SNTG1: variants seen among roughly 807,000 people sequenced by gnomAD.
The protein encoded by SNTG1 is syntrophin gamma 1.
In SNTG1, 39 loss-of-function variants were observed where a neutral mutation model predicts 74.7. The observed-to-expected ratio is 0.52, with a 90% CI of 0.40 to 0.68. SNTG1 has a LOEUF of 0.68. Ranked by LOEUF, SNTG1 falls within the 30% of genes least tolerant of loss-of-function variation. The probability of loss-of-function intolerance (pLI) is 0.00; values close to 1 mark genes in which losing one functional copy is unlikely to be tolerated. For missense variants in SNTG1, 685 were observed against 609.5 expected, an observed-to-expected ratio of 1.12 and a Z score of -1.30; for synonymous variants, 254 against 217.1, an observed-to-expected ratio of 1.17 and a Z score of -1.49.
chr8:49,961,763 A>C (rs979065463), intron 1 of SNTG1, among the ~76,000 whole-genome samples: 1 of 152,192 alleles, frequency 6.6e-6, no homozygotes, highest in African/African-American at 2.4e-5. Context: ...ATCAGATCAC[A>C]TGGCTCACAT....
chr8:50,217,945 C>T (rs2084874481), intron 2 of SNTG1, among the ~76,000 whole-genome samples: 2 of 152,094 alleles, frequency 1.3e-5, no homozygotes, highest in South Asian at 2.1e-4. Context: ...ACTTTCATTC[C>T]TGGTTCTTAA....
chr8:49,955,674 G>A (rs1030993451), intron 1 of SNTG1, among the ~76,000 whole-genome samples: 5 of 152,122 alleles, frequency 3.3e-5, no homozygotes, highest in African/African-American at 9.7e-5. Context: ...CCCAATATTC[G>A]CATTGGCAGT....
chr8:50,740,910 G>A (rs944812280), intron 17 of SNTG1, among the ~76,000 whole-genome samples: 1 of 152,014 alleles, frequency 6.6e-6, no homozygotes, highest in Non-Finnish European at 1.5e-5. Context: ...AACACCACAT[G>A]TTCTCACTTA....
chr8:49,992,531 T>C (rs368270415), intron 1 of SNTG1, among the ~76,000 whole-genome samples: 1 of 152,160 alleles, frequency 6.6e-6, no homozygotes, highest in South Asian at 2.1e-4. Context: ...TAAACCTTGG[T>C]GGGTATAAGC....
intron 15 of SNTG1, among the ~76,000 whole-genome samples, chr8:50,668,759 G>C (rs1489980318): frequency 2.0e-5 from 3 of 151,742 alleles, no homozygotes; most frequent in African/African-American, 7.3e-5. Flanking sequence ...GTGATAGTTT[G>C]CTGAGGATGA....
intron 8 of SNTG1, among the ~76,000 whole-genome samples, chr8:50,496,849 A>G (rs568974300): frequency 8.4e-4 from 128 of 152,182 alleles, no homozygotes; most frequent in African/African-American, 3.0e-3. Flanking sequence ...AAAAAGGACA[A>G]CTGGATTTAT....
At chr8:50,331,003 C>A (rs530513198) in intron 2 of SNTG1, among the ~76,000 whole-genome samples, 1 of 152,012 alleles carries the variant, frequency 6.6e-6, no homozygotes, top group African/African-American at 2.4e-5. Flanking sequence ...GGATATAATT[C>A]TTTTTTTTGC....
intron 18 of SNTG1, among the ~76,000 whole-genome samples, chr8:50,760,478 G>A (rs1040141554): frequency 2.0e-5 from 3 of 151,862 alleles, no homozygotes; most frequent in African/African-American, 7.3e-5. Context: ...TTGTGGGTTT[G>A]TCATAAATAG....
At chr8:50,369,328 G>A (rs1360436707) in intron 2 of SNTG1, among the ~76,000 whole-genome samples, 3 of 152,202 alleles carry the variant, frequency 2.0e-5, no homozygotes, top group Non-Finnish European at 4.4e-5. Context: ...TGGGCACGGT[G>A]GCTAACGCCT....
intron 1 of SNTG1, among the ~76,000 whole-genome samples, chr8:50,065,253 G>A (rs1181508221): frequency 6.6e-6 from 1 of 152,132 alleles, no homozygotes; most frequent in Non-Finnish European, 1.5e-5. Context: ...ACTGTAATTA[G>A]GAAATGTCTT....
chr8:50,782,176 A>G (rs529500121), intron 18 of SNTG1, among the ~76,000 whole-genome samples: 3 of 152,142 alleles, frequency 2.0e-5, no homozygotes, highest in South Asian at 2.1e-4. Flanking sequence ...TCTGACAATT[A>G]TGTGTCTTGG....
chr8:49,960,099 A>G (rs1810544059), intron 1 of SNTG1, among the ~76,000 whole-genome samples: 1 of 152,232 alleles, frequency 6.6e-6, no homozygotes, highest in Non-Finnish European at 1.5e-5. Context: ...AGCTGAGATC[A>G]TATGAGCTGA....
intron 1 of SNTG1, among the ~76,000 whole-genome samples, chr8:50,170,472 A>G (rs2082767029): frequency 1.3e-5 from 2 of 152,190 alleles, no homozygotes; most frequent in South Asian, 4.1e-4. Flanking sequence ...TATCATGTAA[A>G]TTAAAAAAAA....
intron 1 of SNTG1, among the ~76,000 whole-genome samples, chr8:49,939,679 A>G (rs964749645): frequency 1.3e-5 from 2 of 152,132 alleles, no homozygotes; most frequent in African/African-American, 2.4e-5. Flanking sequence ...GCATAAAATG[A>G]CCTTTTCAAA....
chr8:49,921,608 A>C (rs980259986), intron 1 of SNTG1, among the ~76,000 whole-genome samples: 6 of 152,122 alleles, frequency 3.9e-5, no homozygotes, highest in Non-Finnish European at 8.8e-5. Flanking sequence ...CTGCTTTAGA[A>C]TTAGGTGATG....
intron 18 of SNTG1, among the ~76,000 whole-genome samples, chr8:50,769,287 G>A (rs1005831238): frequency 5.9e-5 from 9 of 152,034 alleles, no homozygotes; most frequent in Middle Eastern, 3.4e-3. Flanking sequence ...ATAGTATGCA[G>A]CATTTTGTTT....
chr8:50,340,117 A>T (rs183069155), intron 2 of SNTG1, among the ~76,000 whole-genome samples: 12 of 152,138 alleles, frequency 7.9e-5, no homozygotes, highest in Admixed American at 6.5e-4. Flanking sequence ...ATGGGTGGGA[A>T]GAAATATTGT....
chr8:50,510,187 T>C (rs1392440418), intron 9 of SNTG1, among the ~76,000 whole-genome samples: 2 of 152,062 alleles, frequency 1.3e-5, no homozygotes, highest in African/African-American at 4.8e-5. Context: ...TGGTTTTTGT[T>C]GTTGGTTCTG....
intron 9 of SNTG1, among the ~76,000 whole-genome samples, chr8:50,511,788 T>C (rs971110378): frequency 1.3e-5 from 2 of 152,198 alleles, no homozygotes; most frequent in Non-Finnish European, 2.9e-5. Context: ...CTCGATCCCT[T>C]TATTTTGAGC....
Sources: gnomAD v4.1 joint callset for allele counts (sites outside exome capture counted in the v4.1 genomes callset) on GRCh38, gnomAD v4.1.1 for gene constraint, MANE v1.5 for transcripts, NCBI Gene and HGNC (gene_info 2026-07-23, HGNC 2026-07-21) for gene names.